The following NAA25 variants were observed in gnomAD, a reference collection of about 807,000 sequenced individuals.
The protein encoded by NAA25 is N-alpha-acetyltransferase 25, NatB auxiliary subunit, also known as N-terminal acetyltransferase B complex subunit NAA25.
A neutral mutation model predicts 132.5 loss-of-function variants in NAA25; 30 were observed. The ratio of observed to expected loss-of-function variants is 0.23; its 90% confidence interval spans 0.17 to 0.31. NAA25 has a LOEUF of 0.31. Ranked by LOEUF, NAA25 falls within the 10% of genes least tolerant of loss-of-function variation. The pLI is 1.00. For synonymous variants in NAA25, 359 were observed against 401.9 expected, an observed-to-expected ratio of 0.89 and a Z score of 1.28; for missense variants, 771 against 1,150.4, an observed-to-expected ratio of 0.67 and a Z score of 4.77.
chr12:112,060,385 T>C, intron 12 of NAA25, 26 bp from the exon 13 acceptor site: 1 of 1,501,870 alleles, frequency 6.7e-7, no homozygotes, highest in Non-Finnish European at 9.3e-7. Context: ...ATCATATCTA[T>C]TTTAACATTT....
intron 13 of NAA25, among the ~76,000 whole-genome samples, chr12:112,057,255 A>G (rs1275312818): frequency 4.6e-5 from 7 of 152,210 alleles, no homozygotes; most frequent in Non-Finnish European, 8.8e-5. Flanking sequence ...TAATTTGTGT[A>G]AAGTACTTTC....
intron 1 of NAA25, among the ~76,000 whole-genome samples, chr12:112,098,377 T>C (rs2079245780): frequency 6.6e-6 from 1 of 152,174 alleles, no homozygotes; most frequent in Non-Finnish European, 1.5e-5. Context: ...CAGGCTCCCA[T>C]TTCCTGGACC....
chr12:112,032,227 A>G (rs564589698), intron 23 of NAA25, among the ~76,000 whole-genome samples: 1 of 152,008 alleles, frequency 6.6e-6, no homozygotes, highest in East Asian at 1.9e-4. Context: ...CCGCCTCCCA[A>G]AGTGCTGGGA....
At chr12:112,072,345 C>T (rs754720892) in intron 9 of NAA25, among the ~76,000 whole-genome samples, 51 of 152,082 alleles carry the variant, frequency 3.4e-4, no homozygotes, top group Non-Finnish European at 5.0e-4. Context: ...TGGTGGCTCA[C>T]GCCTGTAATC....
chr12:112,108,641 C>T (rs908319141), intron 1 of NAA25, 75 bp downstream of exon 1: 107 of 1,345,194 alleles, frequency 8.0e-5, no homozygotes, highest in Non-Finnish European at 9.6e-5. Flanking sequence ...CTCAGCACCC[C>T]TCCTGGGCTT....
At chr12:112,071,827 A>AC in intron 10 of NAA25, 68 bp downstream of exon 10, 1 of 1,122,190 alleles carries the variant, frequency 8.9e-7, no homozygotes, top group Non-Finnish European at 1.2e-6. Flanking sequence ...TGTAGATCTC[A>AC]ACTAATGAAT....
rs565360794 is a variant in NAA25 at position 112,080,063 on chromosome 12, G to A, written c.477+997C>T. Reference sequence around the variant, plus strand: ...TGGGAGGCCGAGGCGGGCGGATCACGAGGTCAGGAGATCGAGACCATCCTG... The same window carrying A: ...TGGGAGGCCGAGGCGGGCGGATCACAAGGTCAGGAGATCGAGACCATCCTG... On this transcript the variant is annotated intron_variant, in intron 5 of 23. Coordinates refer to ENST00000261745, the MANE Select transcript of NAA25 (RefSeq NM_024953.4). Among the ~76,000 whole-genome samples the A allele has an allele frequency of 2.2e-4, 33 of 149,572 alleles. No homozygotes were observed. In the South Asian group the frequency reaches 4.9e-3, roughly 22 times the overall value.
In NAA25 at chr12:112,087,664, G is replaced by C; in HGVS notation, c.402+19C>G. ...TAATAGTAAATCCCATAGCCCAGTAGGTTTGGGGATCAAATTACCTGTTGC... is the reference window on the plus strand; with the variant it reads ...TAATAGTAAATCCCATAGCCCAGTACGTTTGGGGATCAAATTACCTGTTGC... On this transcript the variant is annotated intron_variant, in intron 4 of 23. Transcript: ENST00000261745. 6.4e-7 allele frequency: 1 copy of C among 1,555,864 alleles called. No homozygotes were observed. Among genetic ancestry groups the C allele is most frequent in the Non-Finnish European group, 8.9e-7 (1 of 1,127,794 alleles).
At chr12:112,053,454 C>T (rs890149696) in intron 15 of NAA25, 104 bp downstream of exon 15, 5 of 828,140 alleles carry the variant, frequency 6.0e-6, no homozygotes, top group African/African-American at 1.7e-5. Context: ...GCTAGTTCAG[C>T]ATGGTGCACC....
At chr12:112,089,704 T>C (rs1030135609) in intron 3 of NAA25, among the ~76,000 whole-genome samples, 10 of 151,948 alleles carry the variant, frequency 6.6e-5, no homozygotes, top group African/African-American at 9.7e-5. Context: ...TTAAGATTGA[T>C]TGAGGAGGCC....
At chr12:112,085,297 C>T (rs1415685027) in intron 4 of NAA25, among the ~76,000 whole-genome samples, 1 of 151,044 alleles carries the variant, frequency 6.6e-6, no homozygotes, top group African/African-American at 2.4e-5. Flanking sequence ...GAGGCAGAGG[C>T]AGGAGAATCT....
intron 10 of NAA25, among the ~76,000 whole-genome samples, chr12:112,069,795 G>A (rs1333851518): frequency 6.7e-6 from 1 of 149,392 alleles, no homozygotes; most frequent in Non-Finnish European, 1.5e-5. Context: ...ACTCCAGCCT[G>A]GGCGACAGAG....
At chr12:112,092,501 C>T (rs1028135548) in intron 2 of NAA25, among the ~76,000 whole-genome samples, 1 of 151,968 alleles carries the variant, frequency 6.6e-6, no homozygotes, top group Non-Finnish European at 1.5e-5. Context: ...GTGGCGCATG[C>T]CTGTAATCTC....
chr12:112,072,541 A>G (rs1464805081), intron 9 of NAA25, among the ~76,000 whole-genome samples: 3 of 150,934 alleles, frequency 2.0e-5, no homozygotes, highest in Non-Finnish European at 4.4e-5. Flanking sequence ...CCCAGGAGGG[A>G]GAGGTTGCAG....
At chr12:112,031,044 T>C (rs1440133572) in intron 23 of NAA25, among the ~76,000 whole-genome samples, 1 of 152,140 alleles carries the variant, frequency 6.6e-6, no homozygotes, top group Non-Finnish European at 1.5e-5. Context: ...CCTCCCAAAG[T>C]GCTGAGATTA....
intron 22 of NAA25, among the ~76,000 whole-genome samples, chr12:112,036,561 T>C (rs1226910860): frequency 6.6e-6 from 1 of 151,994 alleles, no homozygotes; most frequent in Non-Finnish European, 1.5e-5. Flanking sequence ...AAAAATTCTT[T>C]ATGTAGGCCA....
At chr12:112,069,680 C>T (rs1030401305) in intron 10 of NAA25, among the ~76,000 whole-genome samples, 2 of 150,918 alleles carry the variant, frequency 1.3e-5, no homozygotes, top group South Asian at 2.1e-4. Context: ...ATTAGCTGGA[C>T]GGGGTGGTGT....
At chr12:112,044,005 G>T (rs2078338427) in intron 17 of NAA25, 137 bp from the exon 18 acceptor site, 1 of 815,674 alleles carries the variant, frequency 1.2e-6, no homozygotes, top group Admixed American at 2.9e-5. Flanking sequence ...TCTGCTCACT[G>T]CAAGCTCTGC....
At chr12:112,077,472 C>CAAAA (rs566503271) in intron 7 of NAA25, among the ~76,000 whole-genome samples, 9,673 of 133,516 alleles carry the variant, frequency 0.072, 1,280 homozygotes, top group East Asian at 0.6. Flanking sequence ...ACTCTGTCTC[C>CAAAA]AAAAAAAAAA....
Sources: allele counts gnomAD v4.1 joint callset (sites outside exome capture counted in the v4.1 genomes callset), GRCh38; gene constraint gnomAD v4.1.1; transcripts MANE v1.5; gene names NCBI Gene and HGNC (gene_info 2026-07-23, HGNC 2026-07-21).